Variants in PTPRN2 observed in about 807,000 individuals in gnomAD.
The protein encoded by PTPRN2 is receptor-type tyrosine-protein phosphatase N2.
In PTPRN2, 74 loss-of-function variants were observed where a neutral mutation model predicts 118.8. The observed-to-expected ratio is 0.62, with a 90% CI of 0.52 to 0.76. PTPRN2 has a LOEUF of 0.76. Ranked by LOEUF, PTPRN2 falls within the 30% of genes least tolerant of loss-of-function variation. The pLI, the probability that PTPRN2 is intolerant of heterozygous loss-of-function variation, is 0.00. For synonymous variants in PTPRN2, 641 were observed against 608.0 expected (o/e 1.05, Z -0.80); for missense variants, 1,481 against 1,394.4 (o/e 1.06, Z -0.99).
rs145428154 is a variant in PTPRN2, at chr7:158,282,213, A to G, written c.277+34606T>C. 2.6e-5 allele frequency among the ~76,000 whole-genome samples: 4 copies of G among 151,696 alleles called. No individual in the cohort carries two copies. In the East Asian group the frequency reaches 7.7e-4, roughly 29 times the overall value. On this transcript the variant is annotated intron_variant, in intron 3 of 22. Coordinates refer to ENST00000389418, the MANE Select transcript of PTPRN2 (RefSeq NM_002847.5). ...TTTTTTCCTTTCTATTTTCAGACAA[A>G]TCGTCACTCAGCATAGTAAACCCAA...
In PTPRN2 at chr7:158,171,308, CATATATATATAT is replaced by C. The variant is rs71198580; in HGVS notation, c.550-4029_550-4018del. Among the ~76,000 whole-genome samples, 428 of 48,652 alleles carry C rather than the reference CATATATATATAT, an allele frequency of 8.8e-3. 16 individuals carry two copies. The highest frequency in any genetic ancestry group is 0.013 in the Middle Eastern group (1 of 80). 31.9% of individuals were successfully genotyped at this position (48,652 alleles called of 152,430 possible). The stretch of plus-strand genomic sequence containing the variant: ...ATATATACACACATATATATACACA[CATATATATATAT>C]ATATATATATATATATATATATATA... On this transcript the variant is annotated intron_variant, in intron 5 of 22. Transcript: ENST00000389418.
chr7:158,072,253 C>A (rs1812001043), intron 11 of PTPRN2, among the ~76,000 whole-genome samples: 2 of 152,152 alleles, frequency 1.3e-5, no homozygotes. Flanking sequence ...GCTGTCCTGG[C>A]CGATAAGTCC....
At chr7:158,532,150 G>T (rs1825290265) in intron 1 of PTPRN2, among the ~76,000 whole-genome samples, 1 of 152,238 alleles carries the variant, frequency 6.6e-6, no homozygotes, top group Non-Finnish European at 1.5e-5. Context: ...TAAAGAAGGG[G>T]GTGCCGGAGG....
At position 157,987,402 on chromosome 7, in the gene PTPRN2, C is replaced by A. The variant is rs537955548; in HGVS notation, c.1724-88665G>T. 6.6e-6 allele frequency among the ~76,000 whole-genome samples: 1 copy of A among 151,812 alleles called. No individual in the cohort carries two copies. The highest frequency in any genetic ancestry group is 1.5e-5 in the Non-Finnish European group (1 of 67,964). ...GTCACTAACGGGGGCAATATGACCC[C>A]TCACTAATGGGGTGATCGGTCACTA... On this transcript the variant is annotated intron_variant, in intron 11 of 22. Coordinates refer to ENST00000389418, the MANE Select transcript of PTPRN2 (RefSeq NM_002847.5). This position sits in a 1 kb window ranked among gnomAD's most constrained non-coding sequence, Gnocchi z 4.3.
At chr7:157,594,259 G>C (rs138021322) in intron 17 of PTPRN2, among the ~76,000 whole-genome samples, 1 of 152,368 alleles carries the variant, frequency 6.6e-6, no homozygotes, top group Non-Finnish European at 1.5e-5. Context: ...GGAAAGCCAG[G>C]AAAGGGAAGT....
intron 2 of PTPRN2, among the ~76,000 whole-genome samples, chr7:158,472,872 C>A (rs900799361): frequency 6.6e-6 from 1 of 152,102 alleles, no homozygotes; most frequent in Non-Finnish European, 1.5e-5. Flanking sequence ...GCAGTGGCGG[C>A]GGGGCGGGGG....
intron 15 of PTPRN2, among the ~76,000 whole-genome samples, chr7:157,607,042 C>T (rs1483508249): frequency 5.3e-5 from 8 of 152,242 alleles, no homozygotes; most frequent in Non-Finnish European, 1.2e-4. Flanking sequence ...TGTCATGAAG[C>T]TGCAAGTCAT....
rs998561383 is a variant in PTPRN2, at chr7:158,570,382, G to A, written c.112+17176C>T. Among the ~76,000 whole-genome samples, 1 of 152,138 alleles carries A rather than the reference G, an allele frequency of 6.6e-6. No individual in the cohort carries two copies. Among genetic ancestry groups the A allele is most frequent in the Non-Finnish European group, 1.5e-5 (1 of 68,034 alleles). ...ATAAATAAATTAATACATAATAAAG[G>A]CTGCGTCCAACCAGATGAGGACAGA... On this transcript the variant is annotated intron_variant, in intron 1 of 22. Coordinates refer to ENST00000389418, the MANE Select transcript of PTPRN2 (RefSeq NM_002847.5). This position sits in a 1 kb window ranked among gnomAD's most constrained non-coding sequence, Gnocchi z 4.5.
At position 157,881,964 on chromosome 7, in the gene PTPRN2, C is replaced by G. The variant is rs141102087; in HGVS notation, c.1788+16709G>C. ...AACACATCACCCCAAAAATGACTGT[C>G]ATACATCAGAACATGCCACCCCAAA... On this transcript the variant is annotated intron_variant, in intron 12 of 22. Transcript: ENST00000389418. This position sits in a 1 kb window ranked among gnomAD's most constrained non-coding sequence, Gnocchi z 4.7. Among the ~76,000 whole-genome samples the G allele has an allele frequency of 2.6e-3, 395 of 152,252 alleles. 3 individuals carry two copies. Among genetic ancestry groups the G allele is most frequent in the Middle Eastern group, 0.01 (3 of 292 alleles).
chr7:158,081,272 G>A (rs1563406772), intron 11 of PTPRN2, 26 bp downstream of exon 11: 2 of 1,585,636 alleles, frequency 1.3e-6, no homozygotes, highest in Non-Finnish European at 1.7e-6. Flanking sequence ...GTGTGTGCGT[G>A]TACGTGTGTG....
chr7:158,324,346 T>C (rs1303266228), intron 2 of PTPRN2, among the ~76,000 whole-genome samples: 1 of 152,192 alleles, frequency 6.6e-6, no homozygotes, highest in African/African-American at 2.4e-5. Context: ...CTATAACTGG[T>C]ATTTTCCCAT....
intron 1 of PTPRN2, among the ~76,000 whole-genome samples, chr7:158,505,644 TG>T (rs901547022): frequency 5.5e-5 from 8 of 144,822 alleles, no homozygotes; most frequent in Non-Finnish European, 1.0e-4. Flanking sequence ...CATTCTGCCC[TG>T]GACAGTGAGA....
At position 158,111,328 on chromosome 7, in the gene PTPRN2, C is replaced by A. The variant is rs111594171; in HGVS notation, c.1557-413G>T. 3.4e-3 allele frequency among the ~76,000 whole-genome samples: 520 copies of A among 152,320 alleles called. 5 individuals are homozygous for A. The highest frequency in any genetic ancestry group is 0.012 in the African/African-American group (499 of 41,576). Reference sequence around the variant, plus strand: ...CCCAGTGAGGGGCAATTTAACTACCCAATGGAAGTGTGAGCATGGAAACCA... The same window carrying A: ...CCCAGTGAGGGGCAATTTAACTACCAAATGGAAGTGTGAGCATGGAAACCA... On this transcript the variant is annotated intron_variant, in intron 9 of 22. Coordinates refer to ENST00000389418, the MANE Select transcript of PTPRN2 (RefSeq NM_002847.5).
chr7:158,039,705 G>A (rs1585250380), intron 11 of PTPRN2, among the ~76,000 whole-genome samples: 1 of 152,182 alleles, frequency 6.6e-6, no homozygotes, highest in African/African-American at 2.4e-5. Flanking sequence ...ATCCAATACA[G>A]CATATCTAGG....
At chr7:158,255,120 C>G (rs571193480) in intron 3 of PTPRN2, among the ~76,000 whole-genome samples, 1 of 152,152 alleles carries the variant, frequency 6.6e-6, no homozygotes, top group Non-Finnish European at 1.5e-5. Context: ...AAAGCTCCCT[C>G]GCAGAAGCCC....
chr7:157,895,748 C>T (rs1797073716), intron 12 of PTPRN2, among the ~76,000 whole-genome samples: 2 of 152,112 alleles, frequency 1.3e-5, no homozygotes, highest in South Asian at 2.1e-4. Flanking sequence ...GAAGGTCCAA[C>T]CCTGCCTAAT....
intron 11 of PTPRN2, among the ~76,000 whole-genome samples, chr7:157,947,142 G>A (rs1333143265): frequency 1.3e-5 from 2 of 152,200 alleles, no homozygotes; most frequent in Non-Finnish European, 2.9e-5. Context: ...TGGGATGTGG[G>A]CAGGATGCGA....
chr7:157,897,859 C>G (rs1236574553), intron 12 of PTPRN2, among the ~76,000 whole-genome samples: 5 of 152,272 alleles, frequency 3.3e-5, no homozygotes, highest in African/African-American at 1.2e-4. Flanking sequence ...AGTTAATTAT[C>G]TCTAATGGCG....
At chr7:158,543,128 G>C (rs73510544) in intron 1 of PTPRN2, among the ~76,000 whole-genome samples, 5,913 of 152,314 alleles carry the variant, frequency 0.039, 365 homozygotes, top group African/African-American at 0.13. Flanking sequence ...GCTTTAAAAA[G>C]GCTGCTCTTG....
Sources: gnomAD v4.1 joint callset for allele counts (sites outside exome capture counted in the v4.1 genomes callset) on GRCh38, gnomAD v4.1.1 for gene constraint, Gnocchi (gnomAD v3.1) non-coding constraint, MANE v1.5 for transcripts, NCBI Gene and HGNC (gene_info 2026-07-23, HGNC 2026-07-21) for gene names.